ITSN1: variants seen among roughly 807,000 people sequenced by gnomAD.
ITSN1 encodes intersectin 1, also known as intersectin-1.
Under a neutral mutation model 239.8 loss-of-function variants are expected in ITSN1, and 58 were observed. That is an observed-to-expected ratio of 0.24 (90% CI 0.20 to 0.30). The LOEUF is 0.30. Among genes scored for constraint, ITSN1 ranks in the 10% least tolerant of loss-of-function variants. The pLI is 1.00. For missense variants in ITSN1, 1,558 were observed against 2,103.3 expected (o/e 0.74, Z 5.07); for synonymous variants, 780 against 770.8 (o/e 1.01, Z -0.20).
rs773877695 is a variant in ITSN1 at position 33,882,359 on chromosome 21, C to T, written c.4458C>T (p.Phe1486=). The T allele has an allele frequency of 9.3e-6, 15 of 1,614,090 alleles. No individual in the cohort carries two copies. Among genetic ancestry groups the T allele is most frequent in the Non-Finnish European group, 6.8e-6 (8 of 1,180,050 alleles). Residue 1486 remains phenylalanine, a synonymous_variant, in exon 35 of 40, where the codon TTC becomes TTT. Transcript: ENST00000381318. The surrounding 1 kb of genome is among the most constrained non-coding windows in gnomAD (Gnocchi z 4.5). ...TGTATGGCTTCCTTTTCAACGACTT[C>T]CTCCTGCTGACTCAGATCACGAAGC... The part of the protein sequence containing the change: ...KELYGFLFND[F]LLLTQITKPL...
intron 20 of ITSN1, 67 bp from the exon 21 acceptor site, chr21:33,810,908 G>C (rs2072862327): frequency 5.1e-6 from 8 of 1,581,506 alleles, no homozygotes; most frequent in Non-Finnish European, 7.0e-6. Context: ...GGACTTCACT[G>C]TAGTTGGGTG....
In ITSN1 at chr21:33,885,026, C is replaced by A; in HGVS notation, c.4677-15C>A. On this transcript the variant is annotated splice_polypyrimidine_tract_variant and intron_variant, in intron 36 of 39. Transcript: ENST00000381318. ...GAGTTTCTGTTTGGCAACTTTCTGT[C>A]TTTTTCTGTCCAAGGACTGCCTGGG... is the stretch of plus-strand genomic sequence containing the variant. The A allele has an allele frequency of 6.2e-7, 1 of 1,611,030 alleles. No homozygotes were observed. The highest frequency in any genetic ancestry group is 8.5e-7 in the Non-Finnish European group (1 of 1,177,300).
chr21:33,887,142 A>G (rs1373526056), intron 39 of ITSN1, among the ~76,000 whole-genome samples: 2 of 151,616 alleles, frequency 1.3e-5, no homozygotes, highest in Non-Finnish European at 2.9e-5. Flanking sequence ...ACATAGTGGG[A>G]CCTTGTCTCT....
chr21:33,800,492 CT>C (rs1454928717), intron 19 of ITSN1, among the ~76,000 whole-genome samples: 1 of 152,098 alleles, frequency 6.6e-6, no homozygotes, highest in Admixed American at 6.5e-5. Flanking sequence ...ATCAAAGCAT[CT>C]TTTTTCCCTT....
At chr21:33,761,604 C>T (rs1569120877) in intron 8 of ITSN1, among the ~76,000 whole-genome samples, 1 of 151,890 alleles carries the variant, frequency 6.6e-6, no homozygotes, top group Admixed American at 6.6e-5. Context: ...AAATAAAGCC[C>T]AATACAAATA....
intron 1 of ITSN1, among the ~76,000 whole-genome samples, chr21:33,679,026 A>G (rs948074302): frequency 2.6e-4 from 39 of 152,326 alleles, no homozygotes; most frequent in Admixed American, 5.2e-4. Context: ...GATTTTTCAC[A>G]GTTCCTGTCC....
At chr21:33,886,190 C>T (rs978869600) in intron 38 of ITSN1, 97 bp from the exon 39 acceptor site, 11 of 1,039,146 alleles carry the variant, frequency 1.1e-5, no homozygotes, top group East Asian at 2.5e-5. Context: ...GCAGCCTGGG[C>T]GACAGAGCAA....
At position 33,828,437 on chromosome 21, in the gene ITSN1, G is replaced by A. The variant is rs368964307; in HGVS notation, c.3230-1187G>A. 5.9e-5 allele frequency among the ~76,000 whole-genome samples: 9 copies of A among 152,310 alleles called. No homozygotes were observed. In the East Asian group the frequency reaches 1.2e-3, roughly 20 times the overall value. ...CAAAGCATCAGGCAGGGCCAGGCCT[G>A]CACCATGACCGCCAGGTGCTTCTAT... On this transcript the variant is annotated intron_variant, in intron 26 of 39. Coordinates refer to ENST00000381318, the MANE Select transcript of ITSN1 (RefSeq NM_003024.3).
chr21:33,742,698 G>T (rs1437785730), intron 5 of ITSN1, among the ~76,000 whole-genome samples: 1 of 152,116 alleles, frequency 6.6e-6, no homozygotes, highest in Non-Finnish European at 1.5e-5. Flanking sequence ...AAAATGACTG[G>T]GAGTGGAATC....
At chr21:33,858,982 G>A (rs993883598) in intron 31 of ITSN1, among the ~76,000 whole-genome samples, 190 bp downstream of exon 31, 8 of 151,600 alleles carry the variant, frequency 5.3e-5, no homozygotes, top group African/African-American at 1.7e-4. Context: ...AACGCACTCC[G>A]AATCTCTCAT....
In ITSN1 at chr21:33,891,368, T is replaced by C. The variant is rs946971556; in HGVS notation, c.*3068T>C. On this transcript the variant is annotated 3_prime_UTR_variant, in exon 40 of 40. Transcript: ENST00000381318. ...TGTAAGAGGAGGCATTTTTTTCTTC[T>C]TTGCTTTTTTTAAACAACCTAAAGT... The C allele has an allele frequency of 1.3e-5, 2 of 152,242 alleles. No homozygotes were observed. The highest frequency in any genetic ancestry group is 6.5e-5 in the Admixed American group (1 of 15,288). 9.4% of individuals were successfully genotyped at this position (152,242 alleles called of 1,614,324 possible). A position where few individuals can be genotyped will look rare whatever the true frequency, so the allele number is the denominator to read the frequency against.
intron 1 of ITSN1, among the ~76,000 whole-genome samples, chr21:33,647,930 A>G (rs931479883): frequency 6.6e-6 from 1 of 152,246 alleles, no homozygotes; most frequent in Admixed American, 6.5e-5. Flanking sequence ...GATTATTTTC[A>G]TTAGGATAAA....
At chr21:33,674,577 G>A (rs1490044520) in intron 1 of ITSN1, among the ~76,000 whole-genome samples, 1 of 152,118 alleles carries the variant, frequency 6.6e-6, no homozygotes, top group African/African-American at 2.4e-5. Context: ...ATCCCTTTGT[G>A]CTCTCCACAG....
At chr21:33,721,940 T>G (rs1157811203) in intron 3 of ITSN1, 1 of 151,150 alleles carries the variant, frequency 6.6e-6, no homozygotes, top group African/African-American at 2.4e-5. Flanking sequence ...AGAATTTCGC[T>G]CTTGTTACCC....
chr21:33,782,090 G>A lies in ITSN1; in HGVS notation c.1781G>A (p.Arg594Lys), dbSNP rs1228689726. ...DQLDEVEKET[R>K]SKLQEIDIFN... ...CTGGATGAAGTGGAGAAAGAAACTA[G>A]ATCAAAACTACAGGAGATTGATATT... The change falls in exon 16 of 40, where the codon AGA (arginine) becomes AAA (lysine). Residue 594 changes from arginine (R) to lysine (K), a missense_variant. Arg to Lys is a conservative substitution (Grantham distance 26). Coordinates refer to ENST00000381318, the MANE Select transcript of ITSN1 (RefSeq NM_003024.3). 9 of 1,613,686 alleles carry A rather than the reference G, an allele frequency of 5.6e-6. No homozygotes were observed. Among genetic ancestry groups the A allele is most frequent in the Non-Finnish European group, 7.6e-6 (9 of 1,179,806 alleles).
At chr21:33,817,670 G>GT in intron 22 of ITSN1, 10 of 1,190,496 alleles carry the variant, frequency 8.4e-6, no homozygotes, top group African/African-American at 1.7e-5. Flanking sequence ...GGCAGAGACT[G>GT]TTTTTTTCAT....
rs140619322 is a variant in ITSN1, at chr21:33,854,476, T to C, written c.3662-2260T>C. Among the ~76,000 whole-genome samples the C allele has an allele frequency of 3.3e-3, 509 of 152,246 alleles. 2 individuals are homozygous for C. Among genetic ancestry groups the C allele is most frequent in the African/African-American group, 0.011 (475 of 41,532 alleles). On this transcript the variant is annotated intron_variant, in intron 29 of 39. Transcript: ENST00000381318. Reference sequence around the variant, plus strand: ...CTGAGGCCCGGGCCCTTTCACTCACTCACAGGAGAGTGGGGTAAAAAGAGG... The same window carrying C: ...CTGAGGCCCGGGCCCTTTCACTCACCCACAGGAGAGTGGGGTAAAAAGAGG...
At chr21:33,718,050 C>A (rs1026939493) in intron 1 of ITSN1, among the ~76,000 whole-genome samples, 2 of 152,118 alleles carry the variant, frequency 1.3e-5, no homozygotes, top group Non-Finnish European at 2.9e-5. Flanking sequence ...ACAGCTAACT[C>A]CACAGCGTTT....
At chr21:33,819,408 G>C (rs2073505131) in intron 24 of ITSN1, 85 bp downstream of exon 24, 3 of 950,146 alleles carry the variant, frequency 3.2e-6, no homozygotes, top group Non-Finnish European at 3.3e-6. Flanking sequence ...TTCATCTTAA[G>C]ATAGACTGCA....
Sources: allele counts gnomAD v4.1 joint callset (sites outside exome capture counted in the v4.1 genomes callset), GRCh38; gene constraint gnomAD v4.1.1; non-coding constraint Gnocchi (gnomAD v3.1); transcripts MANE v1.5; gene names NCBI Gene and HGNC (gene_info 2026-07-23, HGNC 2026-07-21).